IL1RAPL1: variants seen among roughly 807,000 people sequenced by gnomAD.
The protein encoded by IL1RAPL1 is interleukin 1 receptor accessory protein like 1.
Under a neutral mutation model 48.4 loss-of-function variants are expected in IL1RAPL1, and 3 were observed. The observed-to-expected ratio is 0.06, with a 90% confidence interval of 0.03 to 0.16. The LOEUF is 0.16. Ranked by LOEUF, IL1RAPL1 falls within the 10% of genes least tolerant of loss-of-function variation. IL1RAPL1 has a pLI of 1.00. For missense variants in IL1RAPL1, 349 were observed against 530.6 expected (o/e 0.66, Z 3.36); for synonymous variants, 185 against 187.7 (o/e 0.99, Z 0.12).
rs140025379 is a variant in IL1RAPL1 at position 28,992,980 on chromosome X, A to C, written c.82+203555A>C. Among the ~76,000 whole-genome samples the C allele has an allele frequency of 6.1e-3, 686 of 111,961 alleles. 5 individuals are homozygous for C. The highest frequency in any genetic ancestry group is 0.021 in the African/African-American group (644 of 30,812). On this transcript the variant is annotated intron_variant, in intron 2 of 10. Coordinates refer to ENST00000378993, the MANE Select transcript of IL1RAPL1 (RefSeq NM_014271.4). ...TCCAAGAGAAATCAAGTGTGGCTAG[A>C]GCACTAGCTTTTAAAATGTGATTAC... is the stretch of plus-strand genomic sequence containing the variant.
chrX:29,004,011 G>A (rs1250485585), intron 2 of IL1RAPL1, among the ~76,000 whole-genome samples: 2 of 110,895 alleles, frequency 1.8e-5, no homozygotes, highest in Admixed American at 9.6e-5. Context: ...ATGTGGTGGT[G>A]TGTACCTGTC....
At chrX:29,635,341 G>A (rs773858217) in intron 5 of IL1RAPL1, among the ~76,000 whole-genome samples, 42 of 111,951 alleles carry the variant, frequency 3.8e-4, no homozygotes, top group African/African-American at 1.0e-3. Context: ...TTAGAGGAAG[G>A]TGATATACAA....
chrX:29,519,086 G>C (rs1935477069), intron 5 of IL1RAPL1, among the ~76,000 whole-genome samples: 1 of 111,305 alleles, frequency 9.0e-6, no homozygotes, highest in Admixed American at 9.6e-5. Flanking sequence ...TTTGTTTTTT[G>C]ACCTGAGTTT....
At chrX:29,302,456 T>G (rs773687447) in intron 3 of IL1RAPL1, among the ~76,000 whole-genome samples, 11 of 111,757 alleles carry the variant, frequency 9.8e-5, no homozygotes, top group Admixed American at 2.9e-4. Context: ...CTTACCTGGA[T>G]GAAATAAGGA....
intron 6 of IL1RAPL1, among the ~76,000 whole-genome samples, chrX:29,847,516 A>G (rs1349110357): frequency 8.9e-6 from 1 of 112,410 alleles, no homozygotes; most frequent in African/African-American, 3.2e-5. Context: ...TAAAAGGTAG[A>G]AAATATATCA....
intron 6 of IL1RAPL1, among the ~76,000 whole-genome samples, chrX:29,670,833 G>T (rs190869661): frequency 8.9e-6 from 1 of 111,804 alleles, no homozygotes; most frequent in East Asian, 2.8e-4. Context: ...GAAGAGTCAC[G>T]GGTTGGGAGT....
chrX:29,234,079 C>T (rs767042547), intron 2 of IL1RAPL1, among the ~76,000 whole-genome samples: 1 of 112,090 alleles, frequency 8.9e-6, no homozygotes, highest in East Asian at 2.8e-4. Flanking sequence ...TAAATAAATG[C>T]AGCGTGGCTG....
intron 6 of IL1RAPL1, among the ~76,000 whole-genome samples, chrX:29,749,596 A>G (rs532177793): frequency 4.6e-4 from 51 of 111,996 alleles, no homozygotes; most frequent in African/African-American, 1.7e-3. Flanking sequence ...ATAAAAGAAA[A>G]CAAACAAAAC....
At chrX:28,680,957 G>A (rs930818775) in intron 1 of IL1RAPL1, among the ~76,000 whole-genome samples, 4 of 111,431 alleles carry the variant, frequency 3.6e-5, no homozygotes, top group African/African-American at 1.3e-4. Flanking sequence ...AGTTATTTCT[G>A]TTTTTTGAAA....
chrX:29,473,790 T>A (rs962230435), intron 5 of IL1RAPL1, among the ~76,000 whole-genome samples: 1 of 111,313 alleles, frequency 9.0e-6, no homozygotes, highest in African/African-American at 3.3e-5. Context: ...CCATTACATG[T>A]CTTTTTTTCA....
chrX:29,611,103 TC>T (rs1421187464), intron 5 of IL1RAPL1, among the ~76,000 whole-genome samples: 2 of 112,409 alleles, frequency 1.8e-5, no homozygotes, highest in African/African-American at 6.5e-5. Context: ...CCCTGCAAAG[TC>T]TCTTGTGGGA....
chrX:28,808,703 G>A (rs1488466549), intron 2 of IL1RAPL1, among the ~76,000 whole-genome samples: 2 of 110,503 alleles, frequency 1.8e-5, no homozygotes, highest in African/African-American at 3.3e-5. Flanking sequence ...AAACAAATTA[G>A]GTATTCATTG....
At chrX:28,950,590 T>C (rs1366757687) in intron 2 of IL1RAPL1, among the ~76,000 whole-genome samples, 1 of 103,605 alleles carries the variant, frequency 9.7e-6, no homozygotes. Context: ...TGTTCTTCCA[T>C]TTGTTTGTAT....
chrX:28,734,805 A>G (rs953413894), intron 1 of IL1RAPL1, among the ~76,000 whole-genome samples: 2 of 112,075 alleles, frequency 1.8e-5, no homozygotes, highest in South Asian at 7.4e-4. Context: ...TAGGCACTCA[A>G]TAAATACATG....
chrX:29,591,965 T>C (rs192029243), intron 5 of IL1RAPL1, among the ~76,000 whole-genome samples: 58 of 111,943 alleles, frequency 5.2e-4, no homozygotes, highest in African/African-American at 1.8e-3. Flanking sequence ...TGGCCAGCTG[T>C]CTATGAAAGG....
At chrX:29,699,154 A>G (rs1041638875) in intron 6 of IL1RAPL1, among the ~76,000 whole-genome samples, 1 of 112,658 alleles carries the variant, frequency 8.9e-6, no homozygotes, top group Non-Finnish European at 1.9e-5. Flanking sequence ...TGAAAAGTCT[A>G]TGTGCCAACC....
chrX:28,630,982 C>T (rs1042836330), intron 1 of IL1RAPL1, among the ~76,000 whole-genome samples: 1 of 111,665 alleles, frequency 9.0e-6, no homozygotes, highest in African/African-American at 3.3e-5. Flanking sequence ...TAATAAGCAG[C>T]GCTAAGACAA....
chrX:28,909,494 T>C (rs190660288), intron 2 of IL1RAPL1, among the ~76,000 whole-genome samples: 1 of 111,582 alleles, frequency 9.0e-6, no homozygotes, highest in Admixed American at 9.6e-5. Flanking sequence ...TTCATTAACC[T>C]CCTTATTTCC....
intron 6 of IL1RAPL1, among the ~76,000 whole-genome samples, chrX:29,731,857 T>A (rs1601799315): frequency 8.9e-6 from 1 of 112,026 alleles, no homozygotes; most frequent in African/African-American, 3.2e-5. Context: ...TGAGCAAGTA[T>A]AGAAAAGAAC....
Sources: allele counts gnomAD v4.1 joint callset (sites outside exome capture counted in the v4.1 genomes callset), GRCh38; gene constraint gnomAD v4.1.1; transcripts MANE v1.5; gene names NCBI Gene and HGNC (gene_info 2026-07-23, HGNC 2026-07-21).